The following RASGRP3 variants were observed in gnomAD, a reference collection of about 807,000 sequenced individuals.
The protein encoded by RASGRP3 is RAS guanyl releasing protein 3, also known as ras guanyl-releasing protein 3.
Under a neutral mutation model 82.7 loss-of-function variants are expected in RASGRP3, and 54 were observed. The observed-to-expected ratio is 0.65, with a 90% CI of 0.52 to 0.82. The LOEUF (loss-of-function observed/expected upper bound fraction) is 0.82. RASGRP3 is among the 40% of genes least tolerant of loss of function. The probability of loss-of-function intolerance (pLI) is 0.00; values close to 1 mark genes in which losing one functional copy is unlikely to be tolerated. For missense variants in RASGRP3, 861 were observed against 828.9 expected (o/e 1.04, Z -0.48); for synonymous variants, 309 against 300.5 (o/e 1.03, Z -0.29).
intron 1 of RASGRP3, among the ~76,000 whole-genome samples, chr2:33,442,587 C>T (rs1468710875): frequency 6.6e-6 from 1 of 152,186 alleles, no homozygotes; most frequent in Non-Finnish European, 1.5e-5. Context: ...AGGGCTATAT[C>T]CTGTTTGTGA....
intron 2 of RASGRP3, among the ~76,000 whole-genome samples, chr2:33,454,452 T>C (rs1665942716): frequency 6.6e-6 from 1 of 152,198 alleles, no homozygotes; most frequent in Non-Finnish European, 1.5e-5. Context: ...CATGGCAGTA[T>C]TTGGGCCCCA....
In RASGRP3 at chr2:33,563,681, A is replaced by G. The variant is rs1195615047; in HGVS notation, c.*944A>G. 3 of 129,388 alleles carry G rather than the reference A, an allele frequency of 2.3e-5. No individual in the cohort carries two copies. The highest frequency in any genetic ancestry group is 3.2e-5 in the African/African-American group (1 of 31,440). The allele number at this position is 129,388 out of a possible 1,614,324, so 8.0% of individuals were successfully genotyped here. ...TTTTTTTAAACTCAATAATTTTGTGAAAAAAAAAACCACCACCAAACTTTT... is the reference window on the plus strand; with the variant it reads ...TTTTTTTAAACTCAATAATTTTGTGGAAAAAAAAACCACCACCAAACTTTT... On this transcript the variant is annotated 3_prime_UTR_variant, in exon 18 of 18. Coordinates refer to ENST00000403687, the MANE Select transcript of RASGRP3 (RefSeq NM_001139488.2).
intron 2 of RASGRP3, among the ~76,000 whole-genome samples, chr2:33,448,655 G>C (rs933580300): frequency 6.6e-6 from 1 of 152,118 alleles, no homozygotes; most frequent in Non-Finnish European, 1.5e-5. Context: ...GTGGCTGGGG[G>C]TGGGGGGAAA....
intron 1 of RASGRP3, among the ~76,000 whole-genome samples, chr2:33,446,205 T>G (rs967268106): frequency 6.6e-6 from 1 of 152,222 alleles, no homozygotes; most frequent in South Asian, 2.1e-4. Context: ...TCGCCCAGGC[T>G]GGAGTGCAGT....
At chr2:33,530,445 C>T (rs1351945280) in intron 10 of RASGRP3, among the ~76,000 whole-genome samples, 1 of 151,770 alleles carries the variant, frequency 6.6e-6, no homozygotes, top group Admixed American at 6.6e-5. Context: ...CACACATACC[C>T]TGCAATGCAG....
chr2:33,509,005 G>C (rs1670669362), intron 1 of RASGRP3, among the ~76,000 whole-genome samples: 1 of 152,198 alleles, frequency 6.6e-6, no homozygotes, highest in Admixed American at 6.5e-5. Context: ...GCTGGCATTT[G>C]TTAGGTGGTG....
chr2:33,440,325 C>G (rs971446505), intron 1 of RASGRP3, among the ~76,000 whole-genome samples: 2 of 152,186 alleles, frequency 1.3e-5, no homozygotes, highest in Admixed American at 1.3e-4. Context: ...GGTTCCATTG[C>G]CAGCCACATT....
intron 1 of RASGRP3, among the ~76,000 whole-genome samples, chr2:33,437,091 T>A (rs1480397625): frequency 1.3e-5 from 2 of 152,124 alleles, no homozygotes; most frequent in Admixed American, 1.3e-4. Context: ...TTAATACAGG[T>A]TTTTTGTCTT....
intron 1 of RASGRP3, among the ~76,000 whole-genome samples, chr2:33,498,545 C>T (rs1219499406): frequency 1.3e-5 from 2 of 152,172 alleles, no homozygotes; most frequent in African/African-American, 4.8e-5. Flanking sequence ...GATAGTCCCT[C>T]TCTCCCCTTC....
intron 10 of RASGRP3, chr2:33,534,010 T>C (rs1178591838): frequency 3.2e-6 from 1 of 312,808 alleles, no homozygotes; most frequent in Non-Finnish European, 5.9e-6. Flanking sequence ...TGTTTGCATC[T>C]GTCCCCACTT....
At chr2:33,444,120 T>C (rs1665379581) in intron 1 of RASGRP3, among the ~76,000 whole-genome samples, 1 of 151,980 alleles carries the variant, frequency 6.6e-6, no homozygotes, top group Non-Finnish European at 1.5e-5. Flanking sequence ...CTGGGCAGCA[T>C]GGCAAGACCC....
At chr2:33,541,600 A>C (rs570987885) in intron 12 of RASGRP3, among the ~76,000 whole-genome samples, 2 of 147,214 alleles carry the variant, frequency 1.4e-5, no homozygotes, top group East Asian at 3.9e-4. Flanking sequence ...AGGTGAAAAA[A>C]AGCTTCATTA....
chr2:33,485,779 C>G (rs911478172), intron 1 of RASGRP3, among the ~76,000 whole-genome samples: 26 of 152,172 alleles, frequency 1.7e-4, no homozygotes, highest in African/African-American at 5.3e-4. Context: ...AGGAATATTG[C>G]TTTCAACCTC....
chr2:33,555,614 G>A (rs1167298380), intron 15 of RASGRP3, 47 bp downstream of exon 15: 9 of 1,464,378 alleles, frequency 6.1e-6, no homozygotes, highest in Admixed American at 1.9e-5. Context: ...TGACATTTTG[G>A]GTAAGAATCA....
intron 2 of RASGRP3, among the ~76,000 whole-genome samples, chr2:33,456,758 A>G (rs1173816702): frequency 6.6e-6 from 1 of 152,218 alleles, no homozygotes; most frequent in African/African-American, 2.4e-5. Flanking sequence ...CAATTCACAC[A>G]CAGGCATAAC....
intron 13 of RASGRP3, 78 bp downstream of exon 13, chr2:33,543,705 T>C (rs1674481510): frequency 3.9e-6 from 4 of 1,027,468 alleles, no homozygotes; most frequent in Non-Finnish European, 5.7e-6. Context: ...AAGGGAAACT[T>C]GTAATTTGCA....
chr2:33,474,147 G>C (rs1019297802), upstream of RASGRP3, among the ~76,000 whole-genome samples: 1 of 152,024 alleles, frequency 6.6e-6, no homozygotes, highest in Admixed American at 6.6e-5. Flanking sequence ...CATGGGGGCT[G>C]GGGACTCCTG....
chr2:33,514,291 A>C (rs951860950), intron 2 of RASGRP3, among the ~76,000 whole-genome samples: 5 of 152,058 alleles, frequency 3.3e-5, no homozygotes, highest in African/African-American at 7.2e-5. Context: ...TTTGCTTCTA[A>C]AAATTTTTTC....
rs1488685842 is a variant in RASGRP3 at position 33,543,544 on chromosome 2, T to G, written c.1311T>G (p.Asp437Glu). ...TTAGAAACTATGATCACGACCATGA[T>G]GGGTACATTTCCCAAGAGGACTTTG... ...SVFRNYDHDHDGYISQEDFES... is the reference protein window; with the variant it reads ...SVFRNYDHDHEGYISQEDFES... The change falls in exon 13 of 18, where the codon GAT becomes GAG. Residue 437 changes from aspartate to glutamate, a missense_variant. By Grantham distance (45) the Asp-to-Glu change is conservative. Transcript: ENST00000403687. The G allele has an allele frequency of 6.2e-7, 1 of 1,610,140 alleles. No homozygotes were observed. The highest frequency in any genetic ancestry group is 8.5e-7 in the Non-Finnish European group (1 of 1,176,924).
Sources: gnomAD v4.1 joint callset for allele counts (sites outside exome capture counted in the v4.1 genomes callset) on GRCh38, gnomAD v4.1.1 for gene constraint, MANE v1.5 for transcripts, NCBI Gene and HGNC (gene_info 2026-07-23, HGNC 2026-07-21) for gene names.